DNAAF9: variants seen among roughly 807,000 people sequenced by gnomAD.
DNAAF9 encodes the protein dynein axonemal assembly factor 9, also known as shulin.
Under a neutral mutation model 167.0 loss-of-function variants are expected in DNAAF9, and 90 were observed. The ratio of observed to expected loss-of-function variants is 0.54; its 90% CI spans 0.45 to 0.64. The LOEUF (loss-of-function observed/expected upper bound fraction) is 0.64, where lower values mean the gene tolerates loss of function less well. Ranked by LOEUF, DNAAF9 falls within the 30% of genes least tolerant of loss-of-function variation. DNAAF9 has a pLI of 0.00. For synonymous variants in DNAAF9, 491 were observed against 508.8 expected (o/e 0.96, Z 0.47); for missense variants, 1,315 against 1,442.2 (o/e 0.91, Z 1.43).
At chr20:3,374,214 C>T in intron 5 of DNAAF9, 60 bp from the exon 6 acceptor site, 2 of 1,178,076 alleles carry the variant, frequency 1.7e-6, no homozygotes, top group Non-Finnish European at 2.5e-6. Flanking sequence ...ACAGTCTAAA[C>T]CTGACCTAAC....
intron 7 of DNAAF9, among the ~76,000 whole-genome samples, chr20:3,355,499 A>G (rs6051781): frequency 0.25 from 37,988 of 151,772 alleles, 5,355 homozygotes; most frequent in African/African-American, 0.37. Flanking sequence ...ACTTGAACCC[A>G]GGAGGTGGAG....
intron 14 of DNAAF9, 29 bp downstream of exon 14, chr20:3,324,863 C>A: frequency 8.4e-7 from 1 of 1,192,736 alleles, no homozygotes; most frequent in Non-Finnish European, 1.2e-6. Context: ...AAAAAAAATT[C>A]CTTATAAAAA....
chr20:3,292,520 A>G (rs1344905559), intron 25 of DNAAF9, among the ~76,000 whole-genome samples: 1 of 152,054 alleles, frequency 6.6e-6, no homozygotes, highest in African/African-American at 2.4e-5. Context: ...TAAACCCAGC[A>G]CTTTGGGAGG....
chr20:3,406,572 G>T (rs954908822), intron 1 of DNAAF9, among the ~76,000 whole-genome samples: 1 of 152,010 alleles, frequency 6.6e-6, no homozygotes, highest in Non-Finnish European at 1.5e-5. Flanking sequence ...ACAATGCCCA[G>T]ACCAACAAGA....
intron 7 of DNAAF9, among the ~76,000 whole-genome samples, chr20:3,350,156 GACACACACAC>G (rs35251429): frequency 1.1e-5 from 1 of 89,902 alleles, no homozygotes; most frequent in Non-Finnish European, 2.4e-5. Flanking sequence ...CAGACACACA[GACACACACAC>G]ACACACACAC....
At position 3,294,185 on chromosome 20, in the gene DNAAF9, A is replaced by AGCAGCACAGGAAGATGGGTCC. The variant is rs752411271; in HGVS notation, c.2171_2191dup (p.Arg724_Leu730dup). ...AGTAGTGTTGATTTCAGCTTGCTGCAGCAGCACAGGAAGATGGGTCCGCAT... is the reference window on the plus strand; with the variant it reads ...AGTAGTGTTGATTTCAGCTTGCTGCAGCAGCACAGGAAGATGGGTCCGCAGCACAGGAAGATGGGTCCGCAT... On this transcript the variant is annotated inframe_insertion, in exon 25 of 37. Coordinates refer to ENST00000252032, the MANE Select transcript of DNAAF9 (RefSeq NM_001009984.3). 1.7e-5 allele frequency: 28 copies of AGCAGCACAGGAAGATGGGTCC among 1,612,160 alleles called. No homozygotes were observed. The African/African-American group carries it at 1.9e-4, about 11-fold the overall frequency.
intron 16 of DNAAF9, among the ~76,000 whole-genome samples, chr20:3,321,517 A>C (rs1478340687): frequency 1.3e-5 from 2 of 152,226 alleles, no homozygotes; most frequent in East Asian, 3.8e-4. Flanking sequence ...CTGTTGACCA[A>C]GATGTCCTTT....
intron 33 of DNAAF9, among the ~76,000 whole-genome samples, chr20:3,257,029 C>T (rs906571223): frequency 6.6e-6 from 1 of 151,634 alleles, no homozygotes; most frequent in Admixed American, 6.6e-5. Flanking sequence ...ACAAAAAAAC[C>T]AGTACAGCAG....
rs762517576 is a variant in DNAAF9 at position 3,270,561 on chromosome 20, G to T, written c.2652C>A (p.Gly884=). The part of the protein sequence containing the change: ...FPKCLDQCSQ[G]LVSNVVFTSH... ...TGGTGAATACCACGTTACTCACCAG[G>T]CCTGGGAATAAAACCAAGGACAGTT... Residue 884 remains glycine (G), a splice_region_variant and synonymous_variant, in exon 30 of 37, where the codon GGC becomes GGA. Coordinates refer to ENST00000252032, the MANE Select transcript of DNAAF9 (RefSeq NM_001009984.3). 11 of 1,611,996 alleles carry T rather than the reference G, an allele frequency of 6.8e-6. No homozygotes were observed. The Admixed American group carries it at 1.7e-4, about 24-fold the overall frequency.
At chr20:3,355,074 T>C (rs1392064328) in intron 7 of DNAAF9, among the ~76,000 whole-genome samples, 1 of 152,232 alleles carries the variant, frequency 6.6e-6, no homozygotes, top group Non-Finnish European at 1.5e-5. Flanking sequence ...GTATCCTCAG[T>C]TGAGGAGACT....
chr20:3,269,394 G>T (rs1043274715), intron 30 of DNAAF9, among the ~76,000 whole-genome samples: 4 of 151,798 alleles, frequency 2.6e-5, no homozygotes, highest in Admixed American at 2.0e-4. Context: ...AAACTGTTTT[G>T]GTAGAGACAG....
chr20:3,276,740 G>A (rs1407217457), intron 29 of DNAAF9, among the ~76,000 whole-genome samples: 1 of 152,174 alleles, frequency 6.6e-6, no homozygotes, highest in African/African-American at 2.4e-5. Context: ...ATCATCACAC[G>A]GTGGACAAGG....
At chr20:3,291,812 TC>T (rs2068959693) in intron 25 of DNAAF9, among the ~76,000 whole-genome samples, 1 of 152,108 alleles carries the variant, frequency 6.6e-6, no homozygotes, top group Non-Finnish European at 1.5e-5. Context: ...TGTCTCTTGT[TC>T]CCTCTGACCA....
intron 1 of DNAAF9, among the ~76,000 whole-genome samples, chr20:3,387,630 A>T (rs990333480): frequency 3.3e-5 from 5 of 152,292 alleles, no homozygotes; most frequent in Admixed American, 6.5e-5. Flanking sequence ...AAATAAAAAA[A>T]TATATAAACT....
At chr20:3,307,673 T>C (rs2069324426) in intron 20 of DNAAF9, among the ~76,000 whole-genome samples, 1 of 152,048 alleles carries the variant, frequency 6.6e-6, no homozygotes, top group African/African-American at 2.4e-5. Context: ...AGTTTCCCAT[T>C]ATTGTCCCAA....
At chr20:3,325,016 G>A in intron 13 of DNAAF9, 48 bp from the exon 14 acceptor site, 1 of 1,052,838 alleles carries the variant, frequency 9.5e-7, no homozygotes, top group South Asian at 1.3e-5. Flanking sequence ...GCAGGAAAAA[G>A]TACACATATC....
Position 3,376,273 on chromosome 20 carries a change from C to A in DNAAF9, c.313G>T (p.Val105Phe). The A allele has an allele frequency of 1.2e-6, 2 of 1,611,114 alleles. No individual in the cohort carries two copies. Among genetic ancestry groups the A allele is most frequent in the Non-Finnish European group, 1.7e-6 (2 of 1,178,116 alleles). Residue 105 changes from valine (V) to phenylalanine (F), a missense_variant, in exon 4 of 37, where the codon GTC becomes TTC. Around this residue, in one of 2 missense-constraint regions of DNAAF9, gnomAD observed 981 missense variants for 1,012.5 expected, o/e 0.97. Coordinates refer to ENST00000252032, the MANE Select transcript of DNAAF9 (RefSeq NM_001009984.3). ...TTTACAGGATTACAGTACAGATGGA[C>A]GCTATCCGATTTAATCAATATAATT... ...DVIILIKSDSVHLYCNPVNFR... is the reference protein window; with the variant it reads ...DVIILIKSDSFHLYCNPVNFR...
At chr20:3,358,120 G>A (rs941551199) in intron 7 of DNAAF9, among the ~76,000 whole-genome samples, 9 of 151,920 alleles carry the variant, frequency 5.9e-5, no homozygotes, top group African/African-American at 2.2e-4. Context: ...CTGCTATGGA[G>A]AAACTCAAGG....
intron 26 of DNAAF9, among the ~76,000 whole-genome samples, chr20:3,289,859 CT>C (rs2068918552): frequency 6.6e-6 from 1 of 152,164 alleles, no homozygotes; most frequent in African/African-American, 2.4e-5. Context: ...AGTTAATATA[CT>C]TTTCCTTATC....
Sources: allele counts gnomAD v4.1 joint callset (sites outside exome capture counted in the v4.1 genomes callset), GRCh38; gene constraint gnomAD v4.1.1; regional missense constraint gnomAD v4.1.1; transcripts MANE v1.5; gene names NCBI Gene and HGNC (gene_info 2026-07-23, HGNC 2026-07-21).